Variants in LRRC1 observed in about 807,000 individuals in gnomAD.
LRRC1 encodes leucine rich repeat containing 1, also known as leucine-rich repeat-containing protein 1.
Under a neutral mutation model 69.9 loss-of-function variants are expected in LRRC1, and 28 were observed. That is an observed-to-expected ratio of 0.40 (90% CI 0.30 to 0.55). The LOEUF (loss-of-function observed/expected upper bound fraction) is 0.55. Among genes scored for constraint, LRRC1 ranks in the 20% least tolerant of loss-of-function variants. The pLI is 0.47. For synonymous variants in LRRC1, 236 were observed against 240.2 expected (o/e 0.98, Z 0.16); for missense variants, 498 against 609.0 (o/e 0.82, Z 1.92).
chr6:53,797,834 C>T lies in LRRC1; in HGVS notation c.159+2419C>T, dbSNP rs1340755113. 2.0e-5 allele frequency among the ~76,000 whole-genome samples: 3 copies of T among 152,338 alleles called. No individual in the cohort carries two copies. The East Asian group carries it at 5.8e-4, about 29-fold the overall frequency. On this transcript the variant is annotated intron_variant, in intron 1 of 13. Coordinates refer to ENST00000370888, the MANE Select transcript of LRRC1 (RefSeq NM_018214.5). ...CAGAATTGAGGTGACTTTCTCAGGGCTGTCCAGTGAGTTAGATGCAGTTGC... is the reference window on the plus strand; with the variant it reads ...CAGAATTGAGGTGACTTTCTCAGGGTTGTCCAGTGAGTTAGATGCAGTTGC...
At chr6:53,811,507 G>A (rs1187488539) in intron 1 of LRRC1, among the ~76,000 whole-genome samples, 1 of 152,212 alleles carries the variant, frequency 6.6e-6, no homozygotes. Context: ...AAGGCAGGGA[G>A]CTTTCTCTCA....
chr6:53,802,049 G>A (rs1168118673), intron 1 of LRRC1, among the ~76,000 whole-genome samples: 1 of 152,176 alleles, frequency 6.6e-6, no homozygotes, highest in African/African-American at 2.4e-5. Flanking sequence ...AGAAACTCCT[G>A]CAACATGTGT....
intron 4 of LRRC1, among the ~76,000 whole-genome samples, chr6:53,891,278 G>A (rs1346206323): frequency 6.6e-6 from 1 of 152,018 alleles, no homozygotes; most frequent in African/African-American, 2.4e-5. Context: ...GTAGGAGGAG[G>A]AAGAAGAGGT....
Position 53,922,788 on chromosome 6 carries a change from G to A in LRRC1, c.1570G>A (p.Val524Met), listed in dbSNP as rs1307760482. ...TGCCATTGACCGAGTGACCACTTCT[G>A]TGTAGAGTTTCACCTCCAAGTTTTA... ...NHAIDRVTTS[V>M] Residue 524 changes from valine to methionine, a missense_variant, in exon 14 of 14, where the codon GTG becomes ATG. Val to Met is a conservative substitution (Grantham distance 21, BLOSUM62 1). This residue lies in a region of LRRC1 where 162 missense variants were observed against 162.9 expected (regional missense o/e 0.99). Coordinates refer to ENST00000370888, the MANE Select transcript of LRRC1 (RefSeq NM_018214.5). The A allele has an allele frequency of 6.2e-7, 1 of 1,612,776 alleles. No individual in the cohort carries two copies. Among genetic ancestry groups the A allele is most frequent in the Non-Finnish European group, 8.5e-7 (1 of 1,179,192 alleles).
intron 2 of LRRC1, among the ~76,000 whole-genome samples, chr6:53,862,759 T>G (rs1708654628): frequency 6.6e-6 from 1 of 152,184 alleles, no homozygotes; most frequent in East Asian, 1.9e-4. Context: ...GGCTGCCTCC[T>G]CAGTGAGTCT....
rs1767170335 is a variant in LRRC1 at position 53,878,997 on chromosome 6, T to G, written c.282T>G (p.Ile94Met). The change falls in exon 3 of 14, where the codon ATT becomes ATG. Residue 94 changes from isoleucine to methionine, a missense_variant. Physicochemically the swap from Ile to Met is conservative, Grantham distance 10. Transcript: ENST00000370888. ...ACATTTTCTCTACTCCTGCAGAGAT[T>G]CCTGAAATTCCAGAAAGCATTTCAT... is the stretch of plus-strand genomic sequence containing the variant. ...LVELDVSRNE[I>M]PEIPESISFC... The G allele has an allele frequency of 6.2e-7, 1 of 1,609,494 alleles. No homozygotes were observed. The highest frequency in any genetic ancestry group is 8.5e-7 in the Non-Finnish European group (1 of 1,176,512).
chr6:53,847,890 C>CT (rs1328406237), intron 2 of LRRC1, among the ~76,000 whole-genome samples: 1 of 152,098 alleles, frequency 6.6e-6, no homozygotes, highest in Non-Finnish European at 1.5e-5. Flanking sequence ...AACAATTAAC[C>CT]TTTTTTGTTT....
chr6:53,864,200 C>T (rs1052561131), intron 2 of LRRC1, among the ~76,000 whole-genome samples: 7 of 152,224 alleles, frequency 4.6e-5, no homozygotes, highest in East Asian at 1.9e-4. Context: ...GGGACTACTC[C>T]GCAGTTCTCT....
At chr6:53,875,192 A>G (rs1767025079) in intron 2 of LRRC1, among the ~76,000 whole-genome samples, 1 of 152,192 alleles carries the variant, frequency 6.6e-6, no homozygotes. Context: ...TTCTGGGAAC[A>G]TAGCCTAAGG....
At chr6:53,847,890 CT>C (rs1328406237) in intron 2 of LRRC1, among the ~76,000 whole-genome samples, 1 of 152,098 alleles carries the variant, frequency 6.6e-6, no homozygotes, top group East Asian at 1.9e-4. Flanking sequence ...AACAATTAAC[CT>C]TTTTTGTTTG....
chr6:53,852,012 C>G (rs1277096660), intron 2 of LRRC1, among the ~76,000 whole-genome samples: 1 of 152,128 alleles, frequency 6.6e-6, no homozygotes, highest in East Asian at 1.9e-4. Flanking sequence ...TTGAGGAATC[C>G]TTGAAGTACT....
intron 11 of LRRC1, among the ~76,000 whole-genome samples, chr6:53,914,227 A>G (rs1467088448): frequency 6.6e-6 from 1 of 152,090 alleles, no homozygotes; most frequent in African/African-American, 2.4e-5. Flanking sequence ...TCCCAGAATG[A>G]CAGTACAGTG....
At chr6:53,920,853 T>C (rs1422330385) in intron 13 of LRRC1, 92 bp downstream of exon 13, 1 of 1,424,510 alleles carries the variant, frequency 7.0e-7, no homozygotes, top group East Asian at 2.4e-5. Flanking sequence ...TTTCAATTAG[T>C]ATGTTCTCTG....
At chr6:53,911,558 G>C (rs553413996) in intron 10 of LRRC1, among the ~76,000 whole-genome samples, 54 of 152,140 alleles carry the variant, frequency 3.5e-4, no homozygotes, top group Admixed American at 6.5e-4. Flanking sequence ...CCCCCCTTGG[G>C]TCACACATAA....
intron 1 of LRRC1, among the ~76,000 whole-genome samples, chr6:53,804,973 C>T (rs1764596181): frequency 6.6e-6 from 1 of 152,108 alleles, no homozygotes; most frequent in Admixed American, 6.5e-5. Context: ...TCTTGACACC[C>T]AAGTCCTGTG....
intron 1 of LRRC1, among the ~76,000 whole-genome samples, chr6:53,826,480 C>G (rs1765261033): frequency 6.6e-6 from 1 of 152,124 alleles, no homozygotes; most frequent in African/African-American, 2.4e-5. Context: ...GATAAGGTGC[C>G]CTGTTCTGAA....
intron 1 of LRRC1, among the ~76,000 whole-genome samples, chr6:53,803,284 C>T (rs1764538715): frequency 6.6e-6 from 1 of 152,144 alleles, no homozygotes; most frequent in South Asian, 2.1e-4. Context: ...AATGAGATGT[C>T]GTGTTCTTTT....
chr6:53,836,335 C>G (rs1381786497), intron 1 of LRRC1, among the ~76,000 whole-genome samples: 1 of 152,220 alleles, frequency 6.6e-6, no homozygotes, highest in East Asian at 1.9e-4. Flanking sequence ...GTTTGTTATT[C>G]AGTAAAAGCT....
chr6:53,854,345 T>G (rs1298958478), intron 2 of LRRC1, among the ~76,000 whole-genome samples: 1 of 152,230 alleles, frequency 6.6e-6, no homozygotes, highest in African/African-American at 2.4e-5. Context: ...TAGGATCATT[T>G]ATTTTCTGGT....
Sources: allele counts gnomAD v4.1 joint callset (sites outside exome capture counted in the v4.1 genomes callset), GRCh38; gene constraint gnomAD v4.1.1; regional missense constraint gnomAD v4.1.1; transcripts MANE v1.5; gene names NCBI Gene and HGNC (gene_info 2026-07-23, HGNC 2026-07-21).